Variants in GRIK3 observed in about 807,000 individuals in gnomAD.
GRIK3 encodes glutamate ionotropic receptor kainate type subunit 3.
GRIK3 carries 29 observed loss-of-function variants against 102.5 expected under a neutral mutation model. That is an observed-to-expected ratio of 0.28 (90% CI 0.21 to 0.39). GRIK3 has a LOEUF of 0.39. GRIK3 is among the 10% of genes least tolerant of loss of function. GRIK3 has a pLI of 1.00. For missense variants in GRIK3, 908 were observed against 1,252.4 expected, an observed-to-expected ratio of 0.73 and a Z score of 4.15; for synonymous variants, 511 against 504.9, an observed-to-expected ratio of 1.01 and a Z score of -0.16.
chr1:36,818,810 C>T (rs1305200090), intron 12 of GRIK3, among the ~76,000 whole-genome samples: 1 of 152,204 alleles, frequency 6.6e-6, no homozygotes, highest in East Asian at 1.9e-4. Flanking sequence ...TTTTCTCTGT[C>T]CCTGGAAGCC....
At chr1:36,962,608 A>T (rs1377141087) in intron 1 of GRIK3, among the ~76,000 whole-genome samples, 3 of 150,280 alleles carry the variant, frequency 2.0e-5, no homozygotes, top group Non-Finnish European at 4.4e-5. Flanking sequence ...TGAAGTGGTT[A>T]GCGGTGGAGG....
chr1:37,033,507 A>G (rs1642853218), intron 1 of GRIK3, among the ~76,000 whole-genome samples: 1 of 152,028 alleles, frequency 6.6e-6, no homozygotes, highest in South Asian at 2.1e-4. Flanking sequence ...TGCCCTCGTC[A>G]TGCGAATCTG....
intron 1 of GRIK3, among the ~76,000 whole-genome samples, chr1:37,020,061 ACT>A (rs1295042165): frequency 1.3e-5 from 2 of 151,790 alleles, no homozygotes; most frequent in East Asian, 1.9e-4. Flanking sequence ...TCATTCTAAC[ACT>A]CTTCACCTTC....
intron 5 of GRIK3, among the ~76,000 whole-genome samples, chr1:36,863,929 C>T (rs12133182): frequency 0.084 from 12,809 of 152,178 alleles, 716 homozygotes; most frequent in Middle Eastern, 0.17. Flanking sequence ...AAGTGTTTCA[C>T]ATCCTCCTCT....
intron 1 of GRIK3, among the ~76,000 whole-genome samples, chr1:36,977,277 A>G (rs1642205425): frequency 6.6e-6 from 1 of 152,206 alleles, no homozygotes; most frequent in Non-Finnish European, 1.5e-5. Context: ...ACCAGGTCCC[A>G]TTGTCTTAAA....
intron 1 of GRIK3, among the ~76,000 whole-genome samples, chr1:36,911,174 G>T (rs1641341992): frequency 6.6e-6 from 1 of 151,958 alleles, no homozygotes; most frequent in Admixed American, 6.6e-5. Context: ...GCTTTTCTAG[G>T]ATTGGTCAAT....
intron 1 of GRIK3, among the ~76,000 whole-genome samples, chr1:36,974,690 A>G (rs1642176741): frequency 6.6e-6 from 1 of 151,610 alleles, no homozygotes; most frequent in Non-Finnish European, 1.5e-5. Context: ...GTCCGAGCCA[A>G]TCGGGAGGCT....
At chr1:36,973,589 T>A (rs1243890801) in intron 1 of GRIK3, among the ~76,000 whole-genome samples, 1 of 150,710 alleles carries the variant, frequency 6.6e-6, no homozygotes, top group Non-Finnish European at 1.5e-5. Context: ...CCGGCTAATT[T>A]TTTTTTTTTT....
chr1:36,825,861 A>C, intron 10 of GRIK3, 35 bp from the exon 11 acceptor site: 1 of 1,457,744 alleles, frequency 6.9e-7, no homozygotes, highest in Non-Finnish European at 9.5e-7. Flanking sequence ...ACAGACTATG[A>C]GCAAAGTCTC....
intron 1 of GRIK3, among the ~76,000 whole-genome samples, chr1:36,923,410 G>A (rs1420058396): frequency 1.3e-5 from 2 of 152,206 alleles, no homozygotes; most frequent in Admixed American, 1.3e-4. Flanking sequence ...GGCATCCCCA[G>A]GTCTGACTGG....
intron 11 of GRIK3, among the ~76,000 whole-genome samples, chr1:36,820,513 A>G (rs1642684017): frequency 1.3e-5 from 2 of 152,204 alleles, no homozygotes; most frequent in Admixed American, 1.3e-4. Context: ...TCTCTAGATA[A>G]AAACTATCAG....
chr1:36,875,352 T>TG (rs1239499575), intron 3 of GRIK3, among the ~76,000 whole-genome samples: 1 of 152,266 alleles, frequency 6.6e-6, no homozygotes, highest in Non-Finnish European at 1.5e-5. Context: ...GGGCAAACAC[T>TG]GGCTGCCTTC....
intron 1 of GRIK3, among the ~76,000 whole-genome samples, chr1:37,033,294 T>C (rs1380745470): frequency 1.3e-5 from 2 of 152,182 alleles, no homozygotes; most frequent in African/African-American, 2.4e-5. Flanking sequence ...CTGGCGTCCC[T>C]GGGCCGCCTG....
intron 1 of GRIK3, among the ~76,000 whole-genome samples, chr1:37,003,657 G>A (rs1642501747): frequency 6.6e-6 from 1 of 152,160 alleles, no homozygotes; most frequent in Non-Finnish European, 1.5e-5. Flanking sequence ...ACAAACCCAT[G>A]TCTCTCCCCA....
intron 11 of GRIK3, 56 bp downstream of exon 11, chr1:36,825,547 C>A: frequency 8.1e-7 from 1 of 1,241,972 alleles, no homozygotes; most frequent in Non-Finnish European, 1.1e-6. Flanking sequence ...TGAGGACCTG[C>A]CTAACCCCTA....
chr1:37,014,844 A>ATCTTT (rs57927286), intron 1 of GRIK3, among the ~76,000 whole-genome samples: 4,498 of 133,180 alleles, frequency 0.034, 125 homozygotes, highest in African/African-American at 0.074. Flanking sequence ...CTCTTTTCTT[A>ATCTTT]TCTTTTCTTT....
intron 6 of GRIK3, 116 bp downstream of exon 6, chr1:36,859,728 T>C: frequency 1.2e-6 from 1 of 838,510 alleles, no homozygotes; most frequent in Non-Finnish European, 2.0e-6. Context: ...GGCTGACACA[T>C]GGAAGGTCTC....
intron 1 of GRIK3, among the ~76,000 whole-genome samples, chr1:36,991,368 T>C (rs1282229353): frequency 6.6e-6 from 1 of 152,184 alleles, no homozygotes; most frequent in Non-Finnish European, 1.5e-5. Flanking sequence ...CTTCCTTAAC[T>C]TCTGCATTTC....
Position 36,924,965 on chromosome 1 carries a change from C to CATCT in GRIK3, c.116-33873_116-33870dup, listed in dbSNP as rs372718444. 3.3e-4 allele frequency among the ~76,000 whole-genome samples: 51 copies of CATCT among 152,246 alleles called. No individual in the cohort carries two copies. The Middle Eastern group carries it at 0.021, about 61-fold the overall frequency. The stretch of plus-strand genomic sequence containing the variant: ...ATGGAATCATGTGATATGTATCAGG[C>CATCT]ATCTACTATGTGAAAGGCAGTATTT... On this transcript the variant is annotated intron_variant, in intron 1 of 15. Transcript: ENST00000373091.
Sources: allele counts gnomAD v4.1 joint callset (sites outside exome capture counted in the v4.1 genomes callset), GRCh38; gene constraint gnomAD v4.1.1; transcripts MANE v1.5; gene names NCBI Gene and HGNC (gene_info 2026-07-23, HGNC 2026-07-21).